NOCT: variants seen among roughly 807,000 people sequenced by gnomAD.
NOCT encodes the protein CCR4 carbon catabolite repression 4-like.
A neutral mutation model predicts 35.0 loss-of-function variants in NOCT; 18 were observed. The ratio of observed to expected loss-of-function variants is 0.51; its 90% CI spans 0.36 to 0.76. The LOEUF is 0.76. NOCT is among the 30% of genes least tolerant of loss of function. The probability of loss-of-function intolerance (pLI) is 0.01; values close to 1 mark genes in which losing one functional copy is unlikely to be tolerated. For synonymous variants in NOCT, 235 were observed against 226.3 expected, an observed-to-expected ratio of 1.04 and a Z score of -0.34; for missense variants, 479 against 541.0, an observed-to-expected ratio of 0.89 and a Z score of 1.14.
chr4:139,043,588 G>A lies in NOCT; in HGVS notation c.460+245G>A, dbSNP rs1474120973. Reference sequence around the variant, plus strand: ...CTTGGATAGTCTACAAACATGGAAGGTGTAAAGAATAAACCACGAGTTACT... The same window carrying A: ...CTTGGATAGTCTACAAACATGGAAGATGTAAAGAATAAACCACGAGTTACT... On this transcript the variant is annotated intron_variant, in intron 2 of 2. Coordinates refer to ENST00000280614, the MANE Select transcript of NOCT (RefSeq NM_012118.4). The A allele has an allele frequency of 2.3e-5, 10 of 437,196 alleles. No individual in the cohort carries two copies. The East Asian group carries it at 3.8e-4, about 17-fold the overall frequency. The allele number at this position is 437,196 out of a possible 1,614,324, so 27.1% of individuals were successfully genotyped here. A position where few individuals can be genotyped will look rare whatever the true frequency, so the allele number is the denominator to read the frequency against.
intron 1 of NOCT, among the ~76,000 whole-genome samples, chr4:139,016,654 T>TG: frequency 8.1e-6 from 1 of 123,314 alleles, no homozygotes; most frequent in African/African-American, 3.1e-5. Context: ...TTTTTTTTTT[T>TG]TTTTTTTTTT....
chr4:139,038,052 T>C (rs1726766209), intron 1 of NOCT, among the ~76,000 whole-genome samples: 1 of 151,868 alleles, frequency 6.6e-6, no homozygotes, highest in Admixed American at 6.6e-5. Flanking sequence ...ATACAAAAAT[T>C]AGCCAGGCGT....
chr4:139,026,297 C>T (rs1726513138), intron 1 of NOCT, among the ~76,000 whole-genome samples: 1 of 152,016 alleles, frequency 6.6e-6, no homozygotes, highest in Admixed American at 6.6e-5. Flanking sequence ...GACGGGGTTT[C>T]ACCATGTTAG....
At chr4:139,016,512 A>G (rs983927114) in intron 1 of NOCT, among the ~76,000 whole-genome samples, 1 of 151,366 alleles carries the variant, frequency 6.6e-6, no homozygotes, top group African/African-American at 2.4e-5. Flanking sequence ...TTTTTATTGC[A>G]CGACTTAACG....
chr4:139,022,599 C>G (rs1430800779), intron 1 of NOCT, among the ~76,000 whole-genome samples: 1 of 152,170 alleles, frequency 6.6e-6, no homozygotes, highest in African/African-American at 2.4e-5. Context: ...TGAGGAGGCT[C>G]GTTTTACTAA....
At chr4:139,044,343 C>G (rs967124594) in intron 2 of NOCT, among the ~76,000 whole-genome samples, 3 of 152,110 alleles carry the variant, frequency 2.0e-5, no homozygotes, top group Admixed American at 6.6e-5. Flanking sequence ...GCATTTATTT[C>G]ATTTTATATA....
At chr4:139,035,477 C>G (rs1248442575) in intron 1 of NOCT, among the ~76,000 whole-genome samples, 1 of 152,106 alleles carries the variant, frequency 6.6e-6, no homozygotes, top group Non-Finnish European at 1.5e-5. Context: ...AAATCACATC[C>G]AAGTTATCAA....
chr4:139,042,540 G>A (rs956316961), intron 1 of NOCT, among the ~76,000 whole-genome samples: 2 of 152,112 alleles, frequency 1.3e-5, no homozygotes, highest in African/African-American at 4.8e-5. Flanking sequence ...TTAATCAGAG[G>A]CTAGTTTTAA....
chr4:139,027,347 C>T (rs565289397), intron 1 of NOCT, among the ~76,000 whole-genome samples: 2 of 151,492 alleles, frequency 1.3e-5, no homozygotes, highest in South Asian at 2.1e-4. Context: ...GCTAAAGGCT[C>T]ATTTTAATAT....
intron 1 of NOCT, among the ~76,000 whole-genome samples, chr4:139,021,295 G>A (rs969147086): frequency 6.6e-6 from 1 of 151,904 alleles, no homozygotes; most frequent in Non-Finnish European, 1.5e-5. Context: ...GAGCCATCAC[G>A]CCCCGCCAAA....
chr4:139,016,970 A>ATTTTTTTT (rs56237553), intron 1 of NOCT, among the ~76,000 whole-genome samples: 7,901 of 130,828 alleles, frequency 0.06, 511 homozygotes, highest in African/African-American at 0.12. Flanking sequence ...GTTTCTTTGG[A>ATTTTTTTT]TTTTTTTTTT....
intron 1 of NOCT, among the ~76,000 whole-genome samples, chr4:139,025,200 ACCCTT>A (rs149482778): frequency 4.1e-4 from 63 of 152,124 alleles, no homozygotes; most frequent in Middle Eastern, 3.4e-3. Context: ...ACCAAAAGCC[ACCCTT>A]CCCGGCTTTG....
chr4:139,035,508 AGATT>A (rs1726714515), intron 1 of NOCT, among the ~76,000 whole-genome samples: 1 of 152,166 alleles, frequency 6.6e-6, no homozygotes. Flanking sequence ...ATCCAACTTT[AGATT>A]GATTGAGAAT....
In NOCT at chr4:139,044,971, G is replaced by A. The variant is rs1320469628; in HGVS notation, c.793G>A (p.Val265Met). ...LTAMTLKTNQ[V>M]AIAQTLECKE... ...AGCCATGACATTGAAAACCAACCAG[G>A]TGGCCATTGCACAGACCCTGGAGTG... is the stretch of plus-strand genomic sequence containing the variant. The change falls in exon 3 of 3, where the codon GTG becomes ATG. Residue 265 changes from valine (V) to methionine (M), a missense_variant. Physicochemically the swap from Val to Met is conservative, Grantham distance 21. Transcript: ENST00000280614. The A allele has an allele frequency of 6.2e-7, 1 of 1,614,158 alleles. No individual in the cohort carries two copies. The highest frequency in any genetic ancestry group is 8.5e-7 in the Non-Finnish European group (1 of 1,180,022).
chr4:139,028,867 AG>A (rs1266119180), intron 1 of NOCT, among the ~76,000 whole-genome samples: 2 of 152,110 alleles, frequency 1.3e-5, no homozygotes, highest in Non-Finnish European at 2.9e-5. Flanking sequence ...TTTGAGACTG[AG>A]TCTTGCTCTG....
rs59445691 is a variant in NOCT at position 139,039,170 on chromosome 4, C to CAAAAAAAAAAAAAAAAAAA, written c.191-3887_191-3886insAAAAAAAAAAAAAAAAAAA. ...GGGCAACACAGTGAAGACTCCATTT[C>CAAAAAAAAAAAAAAAAAAA]AAAAAAAAAAAAAAAAAGCCATTCT... On this transcript the variant is annotated intron_variant, in intron 1 of 2. Coordinates refer to ENST00000280614, the MANE Select transcript of NOCT (RefSeq NM_012118.4). Among the ~76,000 whole-genome samples, 49 of 91,360 alleles carry CAAAAAAAAAAAAAAAAAAA rather than the reference C, an allele frequency of 5.4e-4. 4 individuals are homozygous for CAAAAAAAAAAAAAAAAAAA. The highest frequency in any genetic ancestry group is 2.4e-3 in the East Asian group (6 of 2,482). 59.9% of individuals were successfully genotyped at this position (91,360 alleles called of 152,430 possible). A position where few individuals can be genotyped will look rare whatever the true frequency, so the allele number is the denominator to read the frequency against.
chr4:139,016,321 G>A (rs1407848523), intron 1 of NOCT, 150 bp downstream of exon 1: 2 of 421,802 alleles, frequency 4.7e-6, no homozygotes, highest in Admixed American at 4.7e-5. Flanking sequence ...AACCTTCTGC[G>A]TTCCCTTTTT....
chr4:139,021,577 T>C (rs1726414569), intron 1 of NOCT, among the ~76,000 whole-genome samples: 1 of 151,864 alleles, frequency 6.6e-6, no homozygotes, highest in Non-Finnish European at 1.5e-5. Context: ...AACTTGAGAC[T>C]GAGGTTGTAA....
intron 1 of NOCT, among the ~76,000 whole-genome samples, chr4:139,033,369 A>G (rs1560732250): frequency 6.6e-6 from 1 of 151,950 alleles, no homozygotes; most frequent in Non-Finnish European, 1.5e-5. Flanking sequence ...CATCTCAAAA[A>G]AAAAAAAAGT....
Sources: allele counts gnomAD v4.1 joint callset (sites outside exome capture counted in the v4.1 genomes callset), GRCh38; gene constraint gnomAD v4.1.1; transcripts MANE v1.5; gene names NCBI Gene and HGNC (gene_info 2026-07-23, HGNC 2026-07-21).